The following METTL9 variants were observed in gnomAD, a reference collection of about 807,000 sequenced individuals.
METTL9 encodes the protein protein-L-histidine N-pros-methyltransferase.
In METTL9, 10 loss-of-function variants were observed where a neutral mutation model predicts 36.0. The observed-to-expected ratio is 0.28, with a 90% CI of 0.17 to 0.47. The LOEUF (loss-of-function observed/expected upper bound fraction) is 0.47. Among genes scored for constraint, METTL9 ranks in the 20% least tolerant of loss-of-function variants. The pLI, the probability that METTL9 is intolerant of heterozygous loss-of-function variation, is 0.99. For missense variants in METTL9, 246 were observed against 383.5 expected, an observed-to-expected ratio of 0.64 and a Z score of 3.00; for synonymous variants, 175 against 149.7, an observed-to-expected ratio of 1.17 and a Z score of -1.23.
At chr16:21,645,209 T>A (rs1218537527) in intron 4 of METTL9, among the ~76,000 whole-genome samples, 1 of 152,188 alleles carries the variant, frequency 6.6e-6, no homozygotes, top group East Asian at 1.9e-4. Context: ...TCCCAGCACT[T>A]TGAGAGGCCG....
intron 4 of METTL9, among the ~76,000 whole-genome samples, chr16:21,631,676 G>C (rs1385666642): frequency 3.3e-5 from 5 of 152,174 alleles, no homozygotes; most frequent in Non-Finnish European, 7.3e-5. Flanking sequence ...TTAAGATTTA[G>C]ATCCCCTGTT....
At chr16:21,608,489 G>A (rs1965347893) in intron 1 of METTL9, among the ~76,000 whole-genome samples, 1 of 152,160 alleles carries the variant, frequency 6.6e-6, no homozygotes, top group Non-Finnish European at 1.5e-5. Flanking sequence ...TCAGTCAGCT[G>A]GAGTCCCTAG....
intron 3 of METTL9, among the ~76,000 whole-genome samples, chr16:21,621,653 C>T (rs752502967): frequency 1.1e-4 from 17 of 151,834 alleles, no homozygotes; most frequent in Non-Finnish European, 2.4e-4. Context: ...AAAAATAGGT[C>T]AATAAACAGA....
intron 4 of METTL9, among the ~76,000 whole-genome samples, chr16:21,632,766 G>A (rs1056279866): frequency 5.9e-5 from 9 of 152,060 alleles, no homozygotes; most frequent in Non-Finnish European, 5.9e-5. Flanking sequence ...GATGGCCACC[G>A]CCGCAACTAC....
chr16:21,603,717 A>G (rs150626262), intron 1 of METTL9, among the ~76,000 whole-genome samples: 2 of 152,244 alleles, frequency 1.3e-5, no homozygotes, highest in East Asian at 1.9e-4. Flanking sequence ...TAGCTTCTCA[A>G]TTGATGGAGT....
chr16:21,606,466 C>T (rs889893928), intron 1 of METTL9, among the ~76,000 whole-genome samples: 1 of 152,154 alleles, frequency 6.6e-6, no homozygotes, highest in African/African-American at 2.4e-5. Flanking sequence ...GTTTCTCTTT[C>T]CTCTGATGAG....
In METTL9 at chr16:21,648,959, G is replaced by A. The variant is rs768380243; in HGVS notation, c.752-6268G>A. Among the ~76,000 whole-genome samples the A allele has an allele frequency of 8.9e-4, 136 of 152,164 alleles. 1 individual carries two copies. Among genetic ancestry groups the A allele is most frequent in the Middle Eastern group, 3.4e-3 (1 of 294 alleles). ...GTTAGAATCATGGCGTTTGTGATGC[G>A]AGTCTCTTCTCACCATGTTTTTTTG... On this transcript the variant is annotated intron_variant, in intron 4 of 4. Coordinates refer to ENST00000358154, the MANE Select transcript of METTL9 (RefSeq NM_016025.5).
intron 4 of METTL9, chr16:21,646,941 A>G: frequency 1.4e-6 from 1 of 696,384 alleles, no homozygotes; most frequent in Non-Finnish European, 2.5e-6. Flanking sequence ...GGTGTGAGCC[A>G]CCACGCCCAG....
At chr16:21,607,214 A>G (rs1965312425) in intron 1 of METTL9, among the ~76,000 whole-genome samples, 1 of 151,938 alleles carries the variant, frequency 6.6e-6, no homozygotes, top group East Asian at 1.9e-4. Flanking sequence ...AGCTGGAATT[A>G]TAGGTTCCTG....
Position 21,625,084 on chromosome 16 carries a change from T to C in METTL9, c.720T>C (p.Leu240=), listed in dbSNP as rs945148656. 1.9e-6 allele frequency: 3 copies of C among 1,614,178 alleles called. No homozygotes were observed. Among genetic ancestry groups the C allele is most frequent in the Non-Finnish European group, 2.5e-6 (3 of 1,180,028 alleles). Residue 240 remains leucine, a synonymous_variant, in exon 4 of 5, where the codon CTT becomes CTC. Coordinates refer to ENST00000358154, the MANE Select transcript of METTL9 (RefSeq NM_016025.5). ...CTAGAGGCAGGGTCATCCTTGCCCT[T>C]GTCCTCCCCTTTCATCCCTATGTGG... ...EPTRGRVILA[L]VLPFHPYVEN...
intron 4 of METTL9, among the ~76,000 whole-genome samples, chr16:21,636,499 C>T (rs1249318465): frequency 6.6e-6 from 1 of 152,118 alleles, no homozygotes; most frequent in Admixed American, 6.6e-5. Flanking sequence ...GTCTGACAGG[C>T]GTTAGGACCC....
chr16:21,643,858 T>C (rs1450844296), intron 4 of METTL9, among the ~76,000 whole-genome samples: 1 of 152,230 alleles, frequency 6.6e-6, no homozygotes, highest in Non-Finnish European at 1.5e-5. Context: ...AAGGTATTCT[T>C]TTTTAATAAC....
intron 1 of METTL9, among the ~76,000 whole-genome samples, chr16:21,601,155 T>A (rs1353966685): frequency 6.6e-6 from 1 of 152,210 alleles, no homozygotes; most frequent in Non-Finnish European, 1.5e-5. Flanking sequence ...AGGTGCAATA[T>A]CAGTATCATT....
rs75482761 is a variant in METTL9 at position 21,609,126 on chromosome 16, A to G, written c.166-3519A>G. On this transcript the variant is annotated intron_variant, in intron 1 of 4. Coordinates refer to ENST00000358154, the MANE Select transcript of METTL9 (RefSeq NM_016025.5). ...CTTGCTTCCTTGCTTGTGGTAATGC[A>G]ATTTTGTGGTGAGTGGGTAGCTGTA... Among the ~76,000 whole-genome samples the G allele has an allele frequency of 8.8e-3, 1,345 of 152,184 alleles. 47 individuals carry two copies. Among genetic ancestry groups the G allele is most frequent in the East Asian group, 0.082 (426 of 5,164 alleles).
chr16:21,632,026 T>C (rs1965975969), intron 4 of METTL9, among the ~76,000 whole-genome samples: 1 of 152,140 alleles, frequency 6.6e-6, no homozygotes. Flanking sequence ...CTCTCTTCCC[T>C]TTCTGCTGGT....
chr16:21,637,466 T>G (rs1966130079), intron 4 of METTL9, among the ~76,000 whole-genome samples: 1 of 152,228 alleles, frequency 6.6e-6, no homozygotes, highest in Non-Finnish European at 1.5e-5. Context: ...AGAGTGCTGA[T>G]TGGTGCATTT....
At chr16:21,628,749 G>A (rs555767670) in intron 4 of METTL9, among the ~76,000 whole-genome samples, 3 of 152,124 alleles carry the variant, frequency 2.0e-5, no homozygotes, top group South Asian at 2.1e-4. Context: ...GCCTGCCTTC[G>A]CCTCCCAGCG....
chr16:21,637,774 G>T (rs1966142077), intron 4 of METTL9, among the ~76,000 whole-genome samples: 1 of 152,252 alleles, frequency 6.6e-6, no homozygotes, highest in Non-Finnish European at 1.5e-5. Flanking sequence ...CAGAGAGCCA[G>T]TCCGGCCTCG....
chr16:21,648,122 T>C (rs561672578), intron 4 of METTL9, among the ~76,000 whole-genome samples: 1 of 152,282 alleles, frequency 6.6e-6, no homozygotes, highest in Non-Finnish European at 1.5e-5. Context: ...ATGTCTTTGA[T>C]TACTGAGCAG....
Sources: gnomAD v4.1 joint callset for allele counts (sites outside exome capture counted in the v4.1 genomes callset) on GRCh38, gnomAD v4.1.1 for gene constraint, MANE v1.5 for transcripts, NCBI Gene and HGNC (gene_info 2026-07-23, HGNC 2026-07-21) for gene names.